Variants in ZNF608 observed in about 807,000 individuals in gnomAD.
ZNF608 encodes the protein renal carcinoma antigen NY-REN-36.
ZNF608 carries 12 observed loss-of-function variants against 109.0 expected under a neutral mutation model. That is an observed-to-expected ratio of 0.11 (90% CI 0.07 to 0.18). The LOEUF (loss-of-function observed/expected upper bound fraction) is 0.18, where lower values mean the gene tolerates loss of function less well. Among genes scored for constraint, ZNF608 ranks in the 10% least tolerant of loss-of-function variants. The pLI, the probability that ZNF608 is intolerant of heterozygous loss-of-function variation, is 1.00. For synonymous variants in ZNF608, 732 were observed against 717.4 expected (o/e 1.02, Z -0.33); for missense variants, 1,707 against 1,879.3 (o/e 0.91, Z 1.70).
intron 3 of ZNF608, among the ~76,000 whole-genome samples, chr5:124,660,489 C>T (rs1019400258): frequency 6.6e-6 from 1 of 152,064 alleles, no homozygotes. Flanking sequence ...ATAGGGAAAG[C>T]TGAAAGGATG....
At chr5:124,701,591 G>T (rs957174502) in intron 2 of ZNF608, among the ~76,000 whole-genome samples, 4 of 152,056 alleles carry the variant, frequency 2.6e-5, no homozygotes, top group African/African-American at 9.7e-5. Context: ...CAAAATTAAG[G>T]CTACTTCTCA....
At chr5:124,741,502 T>C (rs1433593068) in intron 2 of ZNF608, among the ~76,000 whole-genome samples, 4 of 151,874 alleles carry the variant, frequency 2.6e-5, no homozygotes, top group Admixed American at 6.6e-5. Context: ...ATTAATAATC[T>C]TCACTCTCCA....
At chr5:124,717,398 G>A (rs1176124457) in intron 2 of ZNF608, among the ~76,000 whole-genome samples, 2 of 152,084 alleles carry the variant, frequency 1.3e-5, no homozygotes, top group Non-Finnish European at 2.9e-5. Flanking sequence ...TTGAACCCAA[G>A]AGGCGGAAAT....
At chr5:124,654,321 T>C (rs1174526643) in intron 3 of ZNF608, among the ~76,000 whole-genome samples, 1 of 152,118 alleles carries the variant, frequency 6.6e-6, no homozygotes, top group Non-Finnish European at 1.5e-5. Context: ...ACACCCAGCC[T>C]CTATGTCTTC....
At position 124,693,139 on chromosome 5, in the gene ZNF608, G is replaced by A. The variant is rs537136901; in HGVS notation, c.1162+7875C>T. Among the ~76,000 whole-genome samples, 8 of 152,336 alleles carry A rather than the reference G, an allele frequency of 5.3e-5. 1 individual carries two copies. The South Asian group carries it at 6.2e-4, about 12-fold the overall frequency. Reference sequence around the variant, plus strand: ...ACACTGAATTATACACCTTAAGTGCGTAGATTTTAAGTTATGTGAATTATA... The same window carrying A: ...ACACTGAATTATACACCTTAAGTGCATAGATTTTAAGTTATGTGAATTATA... On this transcript the variant is annotated intron_variant, in intron 3 of 9. Coordinates refer to ENST00000513986, the MANE Select transcript of ZNF608 (RefSeq NM_020747.3).
At chr5:124,692,749 G>A (rs755977517) in intron 3 of ZNF608, among the ~76,000 whole-genome samples, 1 of 152,168 alleles carries the variant, frequency 6.6e-6, no homozygotes, top group Non-Finnish European at 1.5e-5. Flanking sequence ...CAGGTGTGCT[G>A]CCTGGCACAG....
chr5:124,669,658 A>AACACAC lies in ZNF608; in HGVS notation c.1163-19967_1163-19962dup, dbSNP rs56258363. Among the ~76,000 whole-genome samples the AACACAC allele has an allele frequency of 3.3e-3, 485 of 148,268 alleles. 7 individuals are homozygous for AACACAC. Among genetic ancestry groups the AACACAC allele is most frequent in the South Asian group, 0.022 (101 of 4,572 alleles). Reference sequence around the variant, plus strand: ...GAATCCCTTCTCCCAAACACACACAAACACACACACACACACACACACACA... The same window carrying AACACAC: ...GAATCCCTTCTCCCAAACACACACAAACACACACACACACACACACACACACACACA... On this transcript the variant is annotated intron_variant, in intron 3 of 9. Transcript: ENST00000513986.
intron 2 of ZNF608, among the ~76,000 whole-genome samples, chr5:124,726,132 T>G (rs963023804): frequency 6.6e-6 from 1 of 152,202 alleles, no homozygotes. Flanking sequence ...TGATCACACC[T>G]TCCTTGCTAG....
chr5:124,671,487 C>A (rs981707000), intron 3 of ZNF608, among the ~76,000 whole-genome samples: 1 of 152,194 alleles, frequency 6.6e-6, no homozygotes, highest in Non-Finnish European at 1.5e-5. Flanking sequence ...GATTTAATTT[C>A]TCAACCTTCT....
intron 3 of ZNF608, among the ~76,000 whole-genome samples, chr5:124,696,476 G>A (rs1223718019): frequency 6.6e-6 from 1 of 152,112 alleles, no homozygotes; most frequent in Non-Finnish European, 1.5e-5. Flanking sequence ...TAATACTATG[G>A]GGTTCTGAGT....
chr5:124,733,011 ATTC>A (rs1207479330), intron 2 of ZNF608, among the ~76,000 whole-genome samples: 1 of 151,394 alleles, frequency 6.6e-6, no homozygotes, highest in Non-Finnish European at 1.5e-5. Context: ...TAAACAATTC[ATTC>A]TTCTTTTGCC....
chr5:124,648,756 A>G lies in ZNF608; in HGVS notation c.1628T>C (p.Leu543Ser). Residue 543 changes from leucine to serine, a missense_variant, in exon 5 of 10, where the codon TTG becomes TCG. By Grantham distance (145) the Leu-to-Ser change is moderately radical (BLOSUM62 -2). Coordinates refer to ENST00000513986, the MANE Select transcript of ZNF608 (RefSeq NM_020747.3). Reference sequence around the variant, plus strand: ...CACTGGAGAAGAGCAGCCTTGGTCCAAAAAAGTAGTCTCTGGTTTCCCTTG... The same window carrying G: ...CACTGGAGAAGAGCAGCCTTGGTCCGAAAAAGTAGTCTCTGGTTTCCCTTG... ...TPQGKPETTFLDQGCSSPVLI... is the reference protein window; with the variant it reads ...TPQGKPETTFSDQGCSSPVLI... The G allele has an allele frequency of 1.9e-6, 3 of 1,614,210 alleles. No homozygotes were observed. The highest frequency in any genetic ancestry group is 2.5e-6 in the Non-Finnish European group (3 of 1,180,038).
At chr5:124,731,500 C>T (rs950205328) in intron 2 of ZNF608, among the ~76,000 whole-genome samples, 141 of 152,142 alleles carry the variant, frequency 9.3e-4, no homozygotes, top group African/African-American at 3.2e-3. Context: ...CGTGAGCCAC[C>T]GCGCCCAGCC....
chr5:124,654,224 G>T (rs1750913324), intron 3 of ZNF608, among the ~76,000 whole-genome samples: 1 of 151,612 alleles, frequency 6.6e-6, no homozygotes, highest in Non-Finnish European at 1.5e-5. Flanking sequence ...CTCTCAGTAT[G>T]TTGCCCAGGG....
At position 124,644,657 on chromosome 5, in the gene ZNF608, G is replaced by A; in HGVS notation, c.3710C>T (p.Pro1237Leu). ...VDPTSRFKQD[P>L]DSRTWHHYVY... ...ATAATGATGCCATGTTCTTGAATCT[G>A]GGTCCTGATTTTTTTGTTTTAAAGA... Residue 1237 changes from proline (P) to leucine (L), a missense_variant, in exon 6 of 10, where the codon CCA becomes CTA. Around this residue, in one of 7 missense-constraint regions of ZNF608, gnomAD observed 1,073 missense variants for 1,133.5 expected, o/e 0.95. Coordinates refer to ENST00000513986, the MANE Select transcript of ZNF608 (RefSeq NM_020747.3). 3 of 1,532,032 alleles carry A rather than the reference G, an allele frequency of 2.0e-6. No homozygotes were observed. Among genetic ancestry groups the A allele is most frequent in the Non-Finnish European group, 2.6e-6 (3 of 1,141,736 alleles). The allele number at this position is 1,532,032 out of a possible 1,614,324, so 94.9% of individuals were successfully genotyped here. A position where few individuals can be genotyped will look rare whatever the true frequency, so the allele number is the denominator to read the frequency against.
At chr5:124,645,501 T>G (rs1750456017) in intron 5 of ZNF608, among the ~76,000 whole-genome samples, 1 of 151,842 alleles carries the variant, frequency 6.6e-6, no homozygotes, top group Admixed American at 6.6e-5. Flanking sequence ...AATGTGTGTG[T>G]GTGGGTGGCG....
intron 3 of ZNF608, among the ~76,000 whole-genome samples, chr5:124,665,141 A>C (rs1479971359): frequency 1.3e-5 from 2 of 150,160 alleles, no homozygotes; most frequent in African/African-American, 2.5e-5. Context: ...GTGCCATTGC[A>C]CTCCAGCCTG....
At chr5:124,695,789 T>G (rs1242125934) in intron 3 of ZNF608, among the ~76,000 whole-genome samples, 1 of 151,738 alleles carries the variant, frequency 6.6e-6, no homozygotes, top group Non-Finnish European at 1.5e-5. Flanking sequence ...AGAATTAGCT[T>G]GAACCTCCTC....
chr5:124,715,606 T>C (rs761709778), intron 2 of ZNF608, among the ~76,000 whole-genome samples: 2 of 152,172 alleles, frequency 1.3e-5, no homozygotes, highest in East Asian at 1.9e-4. Context: ...AATTAAAAAA[T>C]GCATGCTTAT....
Sources: gnomAD v4.1 joint callset for allele counts (sites outside exome capture counted in the v4.1 genomes callset) on GRCh38, gnomAD v4.1.1 for gene constraint, gnomAD v4.1.1 regional missense constraint, MANE v1.5 for transcripts, NCBI Gene and HGNC (gene_info 2026-07-23, HGNC 2026-07-21) for gene names.